Variants in RGS10 observed in about 807,000 individuals in gnomAD.
RGS10 encodes regulator of G-protein signalling 10.
A neutral mutation model predicts 23.5 loss-of-function variants in RGS10; 11 were observed. The ratio of observed to expected loss-of-function variants is 0.47; its 90% CI spans 0.29 to 0.77. RGS10 has a LOEUF of 0.77. Among genes scored for constraint, RGS10 ranks in the 30% least tolerant of loss-of-function variants. The probability of loss-of-function intolerance (pLI) is 0.08; values close to 1 mark genes in which losing one functional copy is unlikely to be tolerated. For synonymous variants in RGS10, 77 were observed against 83.2 expected (o/e 0.92, Z 0.41); for missense variants, 180 against 226.3 (o/e 0.80, Z 1.31).
chr10:119,533,039 C>A (rs75270333), intron 1 of RGS10, among the ~76,000 whole-genome samples: 1,050 of 103,542 alleles, frequency 0.01, no homozygotes, highest in Middle Eastern at 0.015. Flanking sequence ...GACGCTGTCT[C>A]AAAAAAAAAA....
chr10:119,507,605 G>C (rs1018571148), intron 4 of RGS10, among the ~76,000 whole-genome samples: 8 of 93,084 alleles, frequency 8.6e-5, no homozygotes, highest in Non-Finnish European at 1.6e-4. Flanking sequence ...TTTTTTTTGA[G>C]ACAGAGTCTC....
intron 4 of RGS10, among the ~76,000 whole-genome samples, chr10:119,506,243 C>G (rs554394630): frequency 6.6e-6 from 1 of 152,232 alleles, no homozygotes; most frequent in Non-Finnish European, 1.5e-5. Flanking sequence ...TGGGAACGGG[C>G]TGCACCCAGG....
intron 1 of RGS10, among the ~76,000 whole-genome samples, chr10:119,540,349 C>G (rs1215985283): frequency 1.3e-5 from 2 of 152,180 alleles, no homozygotes; most frequent in African/African-American, 2.4e-5. Context: ...CTCCCAGGCT[C>G]AAGCCATCCT....
Position 119,527,743 on chromosome 10 carries a change from C to G in RGS10, c.50-319G>C, listed in dbSNP as rs1323886605. Among the ~76,000 whole-genome samples, 1 of 152,182 alleles carries G rather than the reference C, an allele frequency of 6.6e-6. No homozygotes were observed. Among genetic ancestry groups the G allele is most frequent in the Non-Finnish European group, 1.5e-5 (1 of 68,036 alleles). ...TCAGAGGCAGCCCTCAAGTCACACTCAAACCCTCCTCCAAGAGAACCTTGA... is the reference window on the plus strand; with the variant it reads ...TCAGAGGCAGCCCTCAAGTCACACTGAAACCCTCCTCCAAGAGAACCTTGA... On this transcript the variant is annotated intron_variant, in intron 1 of 4. Transcript: ENST00000369103. This position sits in a 1 kb window ranked among gnomAD's most constrained non-coding sequence, Gnocchi z 4.2.
chr10:119,503,785 C>T lies in RGS10; in HGVS notation c.400-3526G>A, dbSNP rs142852771. On this transcript the variant is annotated intron_variant, in intron 4 of 4. Transcript: ENST00000369103. ...TCCCTGCGTCTTCACAGGGTCTCCC[C>T]GGTGCACGTGTGTCCTTACCTCCTC... Among the ~76,000 whole-genome samples the T allele has an allele frequency of 1.7e-3, 258 of 152,292 alleles. 1 individual carries two copies. Among genetic ancestry groups the T allele is most frequent in the South Asian group, 7.1e-3 (34 of 4,818 alleles).
intron 1 of RGS10, among the ~76,000 whole-genome samples, chr10:119,528,875 T>TAAATAA (rs1260883315): frequency 4.0e-4 from 56 of 140,724 alleles, no homozygotes; most frequent in African/African-American, 1.4e-3. Flanking sequence ...AATAAATAAA[T>TAAATAA]ATCATTATCC....
At position 119,524,404 on chromosome 10, in the gene RGS10, C is replaced by T. The variant is rs557469286; in HGVS notation, c.255+1628G>A. Among the ~76,000 whole-genome samples the T allele has an allele frequency of 2.4e-4, 36 of 152,266 alleles. No homozygotes were observed. The highest frequency in any genetic ancestry group is 1.0e-3 in the South Asian group (5 of 4,822). The stretch of plus-strand genomic sequence containing the variant: ...CCTTGTCTACACTGCAGGGGCGGAC[C>T]GGCCCACCCACAGGCCCCTCCTACC... On this transcript the variant is annotated intron_variant, in intron 3 of 4. Transcript: ENST00000369103. The surrounding 1 kb of genome is among the most constrained non-coding windows in gnomAD (Gnocchi z 5.2).
chr10:119,505,005 G>A (rs1486317202), intron 4 of RGS10, among the ~76,000 whole-genome samples: 1 of 152,192 alleles, frequency 6.6e-6, no homozygotes, highest in Non-Finnish European at 1.5e-5. Flanking sequence ...CAGTTGGCTT[G>A]TTGATTTCAC....
Position 119,524,352 on chromosome 10 carries a change from C to T in RGS10, c.255+1680G>A, listed in dbSNP as rs1450905582. ...TTCAGGGAGCTAGTTCAAGTCCTAGCTCTGCCACGGTGCGGGGACCTCACT... is the reference window on the plus strand; with the variant it reads ...TTCAGGGAGCTAGTTCAAGTCCTAGTTCTGCCACGGTGCGGGGACCTCACT... On this transcript the variant is annotated intron_variant, in intron 3 of 4. Coordinates refer to ENST00000369103, the MANE Select transcript of RGS10 (RefSeq NM_001005339.2). The surrounding 1 kb of genome is among the most constrained non-coding windows in gnomAD (Gnocchi z 5.2). Among the ~76,000 whole-genome samples, 1 of 152,192 alleles carries T rather than the reference C, an allele frequency of 6.6e-6. No individual in the cohort carries two copies. The highest frequency in any genetic ancestry group is 2.4e-5 in the African/African-American group (1 of 41,450).
chr10:119,508,956 C>G (rs908378549), intron 4 of RGS10, among the ~76,000 whole-genome samples: 2 of 151,528 alleles, frequency 1.3e-5, no homozygotes, highest in Non-Finnish European at 2.9e-5. Flanking sequence ...TAAAAATTAG[C>G]CAAGTGTGGT....
intron 4 of RGS10, among the ~76,000 whole-genome samples, chr10:119,503,739 C>T (rs950978810): frequency 1.3e-5 from 2 of 152,198 alleles, no homozygotes; most frequent in Non-Finnish European, 2.9e-5. Context: ...CCGCTGTCCT[C>T]GGCTCGTAGA....
At chr10:119,520,404 G>T (rs916352961) in intron 3 of RGS10, among the ~76,000 whole-genome samples, 1 of 152,082 alleles carries the variant, frequency 6.6e-6, no homozygotes, top group Non-Finnish European at 1.5e-5. Context: ...TAGCCCAGAC[G>T]GAATTGATGA....
In RGS10 at chr10:119,538,323, C is replaced by T. The variant is rs951138357; in HGVS notation, c.49+4267G>A. ...CTGCCCCTTCAGAAATGGGTGCCTC[C>T]GGACAAGTCCCTGCCCCTTAGTGGC... On this transcript the variant is annotated intron_variant, in intron 1 of 4. Coordinates refer to ENST00000369103, the MANE Select transcript of RGS10 (RefSeq NM_001005339.2). This position sits in a 1 kb window ranked among gnomAD's most constrained non-coding sequence, Gnocchi z 4.5. Among the ~76,000 whole-genome samples, 1 of 152,226 alleles carries T rather than the reference C, an allele frequency of 6.6e-6. No individual in the cohort carries two copies. The highest frequency in any genetic ancestry group is 1.5e-5 in the Non-Finnish European group (1 of 68,040).
At chr10:119,536,164 G>T (rs1473418554) in intron 1 of RGS10, among the ~76,000 whole-genome samples, 1 of 152,190 alleles carries the variant, frequency 6.6e-6, no homozygotes, top group East Asian at 1.9e-4. Flanking sequence ...TTGAACTGCA[G>T]TTAGCAGGAA....
In RGS10 at chr10:119,526,048, A is replaced by AT. The variant is rs1844269575; in HGVS notation, c.238dup (p.Met80AsnfsTer4). ...AGGAAATACCTGCGTCTTATCTTGC[A>AT]TTTTCTTAAAATCTTCACATGCTAG... On this transcript the variant is annotated frameshift_variant, in exon 3 of 5. Coordinates refer to ENST00000369103, the MANE Select transcript of RGS10 (RefSeq NM_001005339.2). LOFTEE classifies it high-confidence loss of function. 2 of 1,571,116 alleles carry AT rather than the reference A, an allele frequency of 1.3e-6. No homozygotes were observed. The highest frequency in any genetic ancestry group is 1.2e-5 in the South Asian group (1 of 82,534).
At chr10:119,501,900 T>G (rs1443240007) in intron 4 of RGS10, among the ~76,000 whole-genome samples, 1 of 152,154 alleles carries the variant, frequency 6.6e-6, no homozygotes, top group African/African-American at 2.4e-5. Context: ...TGAGTCACTG[T>G]GCTATAAACA....
intron 4 of RGS10, among the ~76,000 whole-genome samples, chr10:119,504,174 T>C (rs1843984068): frequency 6.6e-6 from 1 of 152,232 alleles, no homozygotes; most frequent in Non-Finnish European, 1.5e-5. Context: ...TGATCCCAAA[T>C]ACGTTCTTTT....
At chr10:119,508,661 T>C (rs1371528367) in intron 4 of RGS10, among the ~76,000 whole-genome samples, 5 of 152,226 alleles carry the variant, frequency 3.3e-5, no homozygotes, top group Non-Finnish European at 5.9e-5. Flanking sequence ...AAAGGACCAA[T>C]AACGTCATCG....
rs572598316 is a variant in RGS10, at chr10:119,524,194, C to T, written c.255+1838G>A. The stretch of plus-strand genomic sequence containing the variant: ...CCTTGAGGTGCCCGTTCCCTGGAGC[C>T]GCTCACCTGTCCTGTCCCTGGGCTG... On this transcript the variant is annotated intron_variant, in intron 3 of 4. Coordinates refer to ENST00000369103, the MANE Select transcript of RGS10 (RefSeq NM_001005339.2). This position sits in a 1 kb window ranked among gnomAD's most constrained non-coding sequence, Gnocchi z 5.2. Among the ~76,000 whole-genome samples the T allele has an allele frequency of 1.3e-5, 2 of 152,308 alleles. No individual in the cohort carries two copies. The highest frequency in any genetic ancestry group is 3.9e-4 in the East Asian group (2 of 5,178).
Sources: allele counts gnomAD v4.1 joint callset (sites outside exome capture counted in the v4.1 genomes callset), GRCh38; gene constraint gnomAD v4.1.1; non-coding constraint Gnocchi (gnomAD v3.1); transcripts MANE v1.5; gene names NCBI Gene and HGNC (gene_info 2026-07-23, HGNC 2026-07-21).